CTNNA3: variants seen among roughly 807,000 people sequenced by gnomAD.
CTNNA3 encodes catenin alpha 3.
Under a neutral mutation model 95.7 loss-of-function variants are expected in CTNNA3, and 76 were observed. That is an observed-to-expected ratio of 0.79 (90% CI 0.66 to 0.96). The LOEUF (loss-of-function observed/expected upper bound fraction) is 0.96, where lower values mean the gene tolerates loss of function less well. Among genes scored for constraint, CTNNA3 ranks in the 40% least tolerant of loss-of-function variants. CTNNA3 has a pLI of 0.00. For synonymous variants in CTNNA3, 431 were observed against 374.4 expected (o/e 1.15, Z -1.74); for missense variants, 1,191 against 1,089.8 (o/e 1.09, Z -1.31).
intron 1 of CTNNA3, among the ~76,000 whole-genome samples, chr10:67,726,614 A>ATGTAATATTATATTACATATTT (rs1564841342): frequency 9.6e-5 from 8 of 83,436 alleles, no homozygotes; most frequent in African/African-American, 3.6e-4. Context: ...ATTATATAAT[A>ATGTAATATTATATTACATATTT]TATAATATAT....
chr10:66,939,892 A>G (rs542206172), intron 7 of CTNNA3, among the ~76,000 whole-genome samples: 7 of 152,306 alleles, frequency 4.6e-5, no homozygotes, highest in South Asian at 4.1e-4. Flanking sequence ...AAGAACTGCA[A>G]TCCTCAAGTT....
chr10:67,297,569 A>G (rs1031667512), intron 5 of CTNNA3, among the ~76,000 whole-genome samples: 10 of 152,202 alleles, frequency 6.6e-5, no homozygotes, highest in Non-Finnish European at 1.5e-4. Flanking sequence ...CTCTGTTAAC[A>G]TATCATAGGA....
chr10:66,547,344 TTTC>T lies in CTNNA3; in HGVS notation c.1375-26574_1375-26572del, dbSNP rs1247466497. Among the ~76,000 whole-genome samples, 7 of 18,788 alleles carry T rather than the reference TTTC, an allele frequency of 3.7e-4. 2 individuals are homozygous for T. The highest frequency in any genetic ancestry group is 1.3e-3 in the East Asian group (2 of 1,492). 12.3% of individuals were successfully genotyped at this position (18,788 alleles called of 152,430 possible). A position where few individuals can be genotyped will look rare whatever the true frequency, so the allele number is the denominator to read the frequency against. On this transcript the variant is annotated intron_variant, in intron 10 of 17. Transcript: ENST00000433211. Reference sequence around the variant, plus strand: ...TTCTTGTTCCTTTGATTTTTCTTTCTTTCTTTTTTTTTTTTTTGAGATAGAGTC... The same window carrying T: ...TTCTTGTTCCTTTGATTTTTCTTTCTTTTTTTTTTTTTTTGAGATAGAGTC...
chr10:66,874,731 G>A (rs1187443385), intron 7 of CTNNA3, among the ~76,000 whole-genome samples: 4 of 152,158 alleles, frequency 2.6e-5, no homozygotes, highest in Non-Finnish European at 5.9e-5. Flanking sequence ...TCTACCAAAA[G>A]AGGTATTTGA....
rs570023111 is a variant in CTNNA3, at chr10:66,325,149, G to A, written c.1733-44528C>T. 1.2e-3 allele frequency among the ~76,000 whole-genome samples: 176 copies of A among 152,082 alleles called. 4 individuals carry two copies. The highest frequency in any genetic ancestry group is 4.1e-3 in the African/African-American group (170 of 41,498). ...AACATTAAAATAAGAATAGGCACAC[G>A]AAAGGCAGGAGTGCAAATACACTTA... On this transcript the variant is annotated intron_variant, in intron 12 of 17. Coordinates refer to ENST00000433211, the MANE Select transcript of CTNNA3 (RefSeq NM_013266.4).
chr10:67,318,098 A>C (rs1841143047), intron 5 of CTNNA3, among the ~76,000 whole-genome samples: 1 of 152,126 alleles, frequency 6.6e-6, no homozygotes, highest in African/African-American at 2.4e-5. Context: ...ATGTAGGAGA[A>C]AATGCCTATT....
At chr10:67,627,564 AAGT>A (rs1436757880) in intron 2 of CTNNA3, among the ~76,000 whole-genome samples, 1 of 152,212 alleles carries the variant, frequency 6.6e-6, no homozygotes, top group African/African-American at 2.4e-5. Context: ...ATGTTATGTT[AAGT>A]AGTAGAGAAT....
chr10:66,550,861 T>C (rs551399166), intron 10 of CTNNA3, among the ~76,000 whole-genome samples: 18 of 152,254 alleles, frequency 1.2e-4, no homozygotes, highest in African/African-American at 3.8e-4. Context: ...ATATCTAAGC[T>C]GTCATGGTTT....
At position 66,723,384 on chromosome 10, in the gene CTNNA3, G is replaced by A. The variant is rs114161188; in HGVS notation, c.1281+42880C>T. Among the ~76,000 whole-genome samples the A allele has an allele frequency of 4.9e-3, 744 of 152,192 alleles. 1 individual carries two copies. Among genetic ancestry groups the A allele is most frequent in the African/African-American group, 0.017 (708 of 41,522 alleles). On this transcript the variant is annotated intron_variant, in intron 9 of 17. Transcript: ENST00000433211. The stretch of plus-strand genomic sequence containing the variant: ...CTAAATCCTACAATCCTCTACGAAT[G>A]GAAGCAATAGCACTACAGTTAACAC...
intron 5 of CTNNA3, among the ~76,000 whole-genome samples, chr10:67,337,802 A>C (rs578062833): frequency 3.9e-5 from 6 of 152,346 alleles, no homozygotes; most frequent in East Asian, 1.9e-4. Flanking sequence ...AATGATCATT[A>C]GCATTTAGCA....
At chr10:66,583,409 C>CG (rs150933437) in intron 10 of CTNNA3, among the ~76,000 whole-genome samples, 4,253 of 151,594 alleles carry the variant, frequency 0.028, 93 homozygotes, top group Non-Finnish European at 0.038. Context: ...TTCAAGCTAG[C>CG]GGGGGTTGTA....
chr10:66,300,909 A>G (rs1185302846), intron 12 of CTNNA3, among the ~76,000 whole-genome samples: 1 of 151,992 alleles, frequency 6.6e-6, no homozygotes, highest in East Asian at 1.9e-4. Flanking sequence ...TGAAAAGATC[A>G]ATAAAATTTA....
At chr10:66,656,483 G>A (rs1184581780) in intron 9 of CTNNA3, among the ~76,000 whole-genome samples, 1 of 152,084 alleles carries the variant, frequency 6.6e-6, no homozygotes, top group African/African-American at 2.4e-5. Flanking sequence ...AGTGACCAAG[G>A]AGTTTGAGCC....
chr10:67,087,512 T>C lies in CTNNA3; in HGVS notation c.1047+92805A>G, dbSNP rs143825493. 8.6e-5 allele frequency among the ~76,000 whole-genome samples: 13 copies of C among 151,982 alleles called. No homozygotes were observed. In the East Asian group the frequency reaches 2.5e-3, roughly 29 times the overall value. On this transcript the variant is annotated intron_variant, in intron 7 of 17. Transcript: ENST00000433211. ...TTAGATACACAATTCATACCTTCTC[T>C]AATATAAATATATTAAAATAAGTTT...
intron 5 of CTNNA3, among the ~76,000 whole-genome samples, chr10:67,437,902 A>G (rs1285301445): frequency 6.6e-6 from 1 of 152,072 alleles, no homozygotes; most frequent in African/African-American, 2.4e-5. Context: ...AGGGCAACAA[A>G]TAATGGCTTG....
intron 7 of CTNNA3, among the ~76,000 whole-genome samples, chr10:67,172,258 A>C (rs530285377): frequency 3.9e-5 from 6 of 152,294 alleles, no homozygotes; most frequent in Non-Finnish European, 8.8e-5. Context: ...TCAGTATTAC[A>C]GTTTTTATCA....
In CTNNA3 at chr10:66,621,407, T is replaced by C. The variant is rs566890254; in HGVS notation, c.1374+285A>G. On this transcript the variant is annotated intron_variant, in intron 10 of 17. Coordinates refer to ENST00000433211, the MANE Select transcript of CTNNA3 (RefSeq NM_013266.4). The stretch of plus-strand genomic sequence containing the variant: ...GGGAGGCCGAGGTGGGCAGATCACT[T>C]GAGGTCAGGAGTTCGAGACCAGCCT... Among the ~76,000 whole-genome samples the C allele has an allele frequency of 9.5e-4, 145 of 151,966 alleles. 1 individual carries two copies. The highest frequency in any genetic ancestry group is 3.4e-3 in the African/African-American group (142 of 41,476).
intron 5 of CTNNA3, among the ~76,000 whole-genome samples, chr10:67,476,499 T>C (rs1349035440): frequency 1.3e-5 from 2 of 150,996 alleles, no homozygotes; most frequent in Non-Finnish European, 1.5e-5. Context: ...TACCCCACCC[T>C]TCCTGCACAA....
At chr10:67,690,904 C>A (rs1335983955) in intron 1 of CTNNA3, among the ~76,000 whole-genome samples, 1 of 152,128 alleles carries the variant, frequency 6.6e-6, no homozygotes, top group Admixed American at 6.5e-5. Flanking sequence ...CCACGGTCTC[C>A]CTCTCCCTCT....
Sources: gnomAD v4.1 joint callset for allele counts (sites outside exome capture counted in the v4.1 genomes callset) on GRCh38, gnomAD v4.1.1 for gene constraint, MANE v1.5 for transcripts, NCBI Gene and HGNC (gene_info 2026-07-23, HGNC 2026-07-21) for gene names.